Variants in TTC29 observed in about 807,000 individuals in gnomAD.
TTC29 encodes the protein tetratricopeptide repeat domain 29.
TTC29 carries 49 observed loss-of-function variants against 58.1 expected under a neutral mutation model. The observed-to-expected ratio is 0.84, with a 90% confidence interval of 0.67 to 1.07. The LOEUF is 1.07. Ranked by LOEUF, TTC29 falls within the 50% of genes least tolerant of loss-of-function variation. TTC29 has a pLI of 0.00. For missense variants in TTC29, 582 were observed against 555.6 expected, an observed-to-expected ratio of 1.05 and a Z score of -0.48; for synonymous variants, 209 against 196.8, an observed-to-expected ratio of 1.06 and a Z score of -0.52.
At chr4:146,744,962 A>G (rs757487977) in intron 11 of TTC29, among the ~76,000 whole-genome samples, 1 of 152,182 alleles carries the variant, frequency 6.6e-6, no homozygotes, top group Non-Finnish European at 1.5e-5. Context: ...CTGCAAATTT[A>G]TGGAGAAAAT....
intron 8 of TTC29, among the ~76,000 whole-genome samples, chr4:146,865,268 T>C (rs553952866): frequency 6.6e-6 from 1 of 152,300 alleles, no homozygotes; most frequent in Non-Finnish European, 1.5e-5. Flanking sequence ...ATTTGTCACA[T>C]CTGATGAAAC....
At chr4:146,861,921 G>A (rs1040504759) in intron 8 of TTC29, among the ~76,000 whole-genome samples, 2 of 152,130 alleles carry the variant, frequency 1.3e-5, no homozygotes, top group African/African-American at 4.8e-5. Flanking sequence ...AAATACAAGT[G>A]AGAAGATAAA....
chr4:146,936,843 C>T (rs898479942), intron 4 of TTC29, among the ~76,000 whole-genome samples: 10 of 152,072 alleles, frequency 6.6e-5, no homozygotes, highest in African/African-American at 2.4e-4. Context: ...ACATTTGTTG[C>T]ATAAAATATT....
intron 4 of TTC29, among the ~76,000 whole-genome samples, chr4:146,917,020 T>A (rs1277785157): frequency 6.6e-6 from 1 of 151,196 alleles, no homozygotes; most frequent in African/African-American, 2.4e-5. Flanking sequence ...CCAAATAAAA[T>A]ATATATATAA....
chr4:146,778,992 A>G (rs1476775272), intron 11 of TTC29, among the ~76,000 whole-genome samples: 4 of 129,138 alleles, frequency 3.1e-5, no homozygotes, highest in African/African-American at 6.6e-5. Flanking sequence ...AAAAAAAAAA[A>G]AAAAAAAAAA....
At chr4:146,821,826 G>A (rs529949630) in intron 9 of TTC29, among the ~76,000 whole-genome samples, 3 of 152,048 alleles carry the variant, frequency 2.0e-5, no homozygotes, top group Non-Finnish European at 4.4e-5. Flanking sequence ...TAGTTGCTGG[G>A]GAATAAGGTT....
At chr4:146,733,280 C>A (rs1744477335) in intron 11 of TTC29, among the ~76,000 whole-genome samples, 1 of 152,034 alleles carries the variant, frequency 6.6e-6, no homozygotes, top group African/African-American at 2.4e-5. Context: ...AGATTTGGAA[C>A]CTTCTTATTT....
At chr4:146,938,308 A>T (rs572104496) in intron 3 of TTC29, among the ~76,000 whole-genome samples, 18 of 152,300 alleles carry the variant, frequency 1.2e-4, no homozygotes, top group Non-Finnish European at 2.1e-4. Context: ...GGAACTAAAC[A>T]AATATCAGTG....
intron 8 of TTC29, among the ~76,000 whole-genome samples, chr4:146,840,340 G>A (rs1273209435): frequency 2.0e-5 from 3 of 151,928 alleles, no homozygotes; most frequent in Non-Finnish European, 2.9e-5. Context: ...ATTCCACCTT[G>A]TTATCACTTT....
At chr4:146,728,649 T>TA (rs1396903779) in intron 11 of TTC29, among the ~76,000 whole-genome samples, 1 of 147,210 alleles carries the variant, frequency 6.8e-6, no homozygotes, top group African/African-American at 2.5e-5. Flanking sequence ...CTACTACTAC[T>TA]CTCTCTCTCT....
chr4:146,752,633 G>A lies in TTC29; in HGVS notation c.1331-45082C>T, dbSNP rs373041430. 3.0e-4 allele frequency among the ~76,000 whole-genome samples: 46 copies of A among 151,858 alleles called. 2 individuals are homozygous for A. Among genetic ancestry groups the A allele is most frequent in the South Asian group, 2.3e-3 (11 of 4,798 alleles). Reference sequence around the variant, plus strand: ...AAAAGAACAAAGCTGGAGGCATCACGCTACCTGACTTCAAACTATACTACA... The same window carrying A: ...AAAAGAACAAAGCTGGAGGCATCACACTACCTGACTTCAAACTATACTACA... On this transcript the variant is annotated intron_variant, in intron 11 of 12. Transcript: ENST00000325106.
At position 146,867,553 on chromosome 4, in the gene TTC29, G is replaced by A; in HGVS notation, c.830C>T (p.Ser277Phe). 1.3e-6 allele frequency: 2 copies of A among 1,552,938 alleles called. No homozygotes were observed. Among genetic ancestry groups the A allele is most frequent in the Non-Finnish European group, 1.7e-6 (2 of 1,147,592 alleles). Residue 277 changes from serine (S) to phenylalanine (F), a missense_variant, in exon 8 of 13, where the codon TCT (serine) becomes TTT (phenylalanine). By Grantham distance (155) the Ser-to-Phe change is radical (BLOSUM62 -2). Coordinates refer to ENST00000325106, the MANE Select transcript of TTC29 (RefSeq NM_031956.4). ...GSDKKMEAEA[S>F]YYLGLAHLAA... The stretch of plus-strand genomic sequence containing the variant: ...TAAGTGTGCTAAGCCCAAGTAGTAA[G>A]AGGCTTCCGCTTCCATCTTTTTGTC...
chr4:146,893,793 G>A (rs1222944233), intron 6 of TTC29, among the ~76,000 whole-genome samples: 2 of 152,074 alleles, frequency 1.3e-5, no homozygotes, highest in Admixed American at 1.3e-4. Flanking sequence ...ATCTGACAAA[G>A]GGCTAATATC....
chr4:146,761,550 A>T (rs888018108), intron 11 of TTC29, among the ~76,000 whole-genome samples: 3 of 151,880 alleles, frequency 2.0e-5, no homozygotes, highest in Non-Finnish European at 4.4e-5. Flanking sequence ...TTGAAATCAG[A>T]GCTAAGTGTG....
At chr4:146,841,116 G>A (rs1728824939) in intron 8 of TTC29, among the ~76,000 whole-genome samples, 1 of 152,082 alleles carries the variant, frequency 6.6e-6, no homozygotes, top group Non-Finnish European at 1.5e-5. Context: ...TATTCTACAT[G>A]CACATAACAG....
At chr4:146,790,943 G>C (rs1341521274) in intron 11 of TTC29, among the ~76,000 whole-genome samples, 1 of 152,166 alleles carries the variant, frequency 6.6e-6, no homozygotes, top group Non-Finnish European at 1.5e-5. Flanking sequence ...ATGCAAACCT[G>C]AAAAATTTGC....
In TTC29 at chr4:146,939,789, A is replaced by G; in HGVS notation, c.92+15T>C. 1 of 1,598,064 alleles carries G rather than the reference A, an allele frequency of 6.3e-7. No homozygotes were observed. Among genetic ancestry groups the G allele is most frequent in the African/African-American group, 1.4e-5 (1 of 73,874 alleles). On this transcript the variant is annotated intron_variant, in intron 3 of 12. Transcript: ENST00000325106. Reference sequence around the variant, plus strand: ...TCCTTCTGTAGGAAAATAAGTAAAAACCAGGGGCACGTACCTTGGAATTTT... The same window carrying G: ...TCCTTCTGTAGGAAAATAAGTAAAAGCCAGGGGCACGTACCTTGGAATTTT...
intron 3 of TTC29, 128 bp from the exon 4 acceptor site, chr4:146,937,805 T>G (rs908801693): frequency 2.0e-6 from 1 of 506,912 alleles, no homozygotes; most frequent in Non-Finnish European, 3.4e-6. Flanking sequence ...ACGCAATAGC[T>G]ATAGAGTTAG....
At chr4:146,827,121 C>T (rs928903081) in intron 9 of TTC29, among the ~76,000 whole-genome samples, 1 of 152,056 alleles carries the variant, frequency 6.6e-6, no homozygotes, top group African/African-American at 2.4e-5. Flanking sequence ...CCATTTGATC[C>T]TTCATCCATG....
Sources: allele counts gnomAD v4.1 joint callset (sites outside exome capture counted in the v4.1 genomes callset), GRCh38; gene constraint gnomAD v4.1.1; transcripts MANE v1.5; gene names NCBI Gene and HGNC (gene_info 2026-07-23, HGNC 2026-07-21).